Variants in FAM107B observed in about 807,000 individuals in gnomAD.
FAM107B encodes protein FAM107B.
FAM107B carries 21 observed loss-of-function variants against 31.5 expected under a neutral mutation model. That is an observed-to-expected ratio of 0.67 (90% CI 0.47 to 0.96). The LOEUF is 0.96. FAM107B is among the 40% of genes least tolerant of loss of function. The pLI, the probability that FAM107B is intolerant of heterozygous loss-of-function variation, is 0.00. For synonymous variants in FAM107B, 157 were observed against 141.5 expected, an observed-to-expected ratio of 1.11 and a Z score of -0.78; for missense variants, 452 against 377.1, an observed-to-expected ratio of 1.20 and a Z score of -1.64.
rs1308152177 is a variant in FAM107B at position 14,520,911 on chromosome 10, G to A, written c.*279C>T. The stretch of plus-strand genomic sequence containing the variant: ...TTCCAGTGTCCTCTTCCTTTTTCCT[G>A]TTCTCACTTGTTTTGCTTGTTGGTT... On this transcript the variant is annotated 3_prime_UTR_variant, in exon 5 of 5. Transcript: ENST00000181796. The A allele has an allele frequency of 1.2e-5, 4 of 336,022 alleles. No individual in the cohort carries two copies. The highest frequency in any genetic ancestry group is 8.5e-5 in the African/African-American group (4 of 47,116). 20.8% of individuals were successfully genotyped at this position (336,022 alleles called of 1,614,324 possible).
At chr10:14,636,533 TTG>T (rs1853504598) in intron 2 of FAM107B, among the ~76,000 whole-genome samples, 1 of 152,186 alleles carries the variant, frequency 6.6e-6, no homozygotes, top group Admixed American at 6.5e-5. Flanking sequence ...ACTACATCTC[TTG>T]TGTGTCTAAA....
intron 1 of FAM107B, among the ~76,000 whole-genome samples, chr10:14,690,320 TCTGTTTC>T (rs2131508438): frequency 6.6e-6 from 1 of 152,344 alleles, no homozygotes; most frequent in Non-Finnish European, 1.5e-5. Context: ...AGGCTCTGCC[TCTGTTTC>T]CTGTTTCTGC....
chr10:14,605,302 CA>C (rs1852560570), intron 2 of FAM107B, among the ~76,000 whole-genome samples: 1 of 152,148 alleles, frequency 6.6e-6, no homozygotes. Flanking sequence ...CTTTTCTGGC[CA>C]ACCCTAAGGC....
At chr10:14,659,305 G>A (rs1854159015) in intron 2 of FAM107B, among the ~76,000 whole-genome samples, 1 of 152,112 alleles carries the variant, frequency 6.6e-6, no homozygotes, top group Non-Finnish European at 1.5e-5. Flanking sequence ...GCTGGGCATG[G>A]TGGCGCGCAC....
chr10:14,700,472 A>G (rs1051284476), intron 1 of FAM107B, among the ~76,000 whole-genome samples: 3 of 152,134 alleles, frequency 2.0e-5, no homozygotes, highest in Non-Finnish European at 2.9e-5. Context: ...CAGTGCTCGC[A>G]TCGAATTTAA....
chr10:14,646,423 G>A (rs995040178), intron 2 of FAM107B, among the ~76,000 whole-genome samples: 16 of 152,150 alleles, frequency 1.1e-4, no homozygotes, highest in African/African-American at 3.9e-4. Flanking sequence ...GTGAGAACAT[G>A]CAGTATTTGG....
At chr10:14,571,327 C>A (rs1466508346) in intron 2 of FAM107B, among the ~76,000 whole-genome samples, 4 of 152,098 alleles carry the variant, frequency 2.6e-5, no homozygotes, top group Admixed American at 6.5e-5. Flanking sequence ...AATATATTAT[C>A]AGGCCTACAA....
At chr10:14,667,048 T>A (rs919799375) in intron 2 of FAM107B, among the ~76,000 whole-genome samples, 1 of 152,236 alleles carries the variant, frequency 6.6e-6, no homozygotes, top group Non-Finnish European at 1.5e-5. Flanking sequence ...GTATTAAGAT[T>A]TAGCTTTCAT....
At chr10:14,600,448 A>T (rs980808042) in intron 2 of FAM107B, among the ~76,000 whole-genome samples, 9 of 152,188 alleles carry the variant, frequency 5.9e-5, no homozygotes, top group Non-Finnish European at 2.9e-5. Context: ...GCAAATCCCT[A>T]TGCAGCTCCA....
At chr10:14,600,950 TA>T (rs1852375843) in intron 2 of FAM107B, among the ~76,000 whole-genome samples, 7 of 151,960 alleles carry the variant, frequency 4.6e-5, no homozygotes, top group African/African-American at 1.5e-4. Context: ...TAATTTTTCG[TA>T]GAGATGAGGG....
chr10:14,604,333 AGGCGGCGCGAG>A (rs1027567642), intron 2 of FAM107B: 36 of 855,344 alleles, frequency 4.2e-5, no homozygotes, highest in South Asian at 5.2e-5. Context: ...CGGCGGCCCG[AGGCGGCGCGAG>A]GGCGGCTCCG....
At chr10:14,617,627 A>C (rs1852887097) in intron 2 of FAM107B, among the ~76,000 whole-genome samples, 1 of 152,198 alleles carries the variant, frequency 6.6e-6, no homozygotes. Context: ...GTGTGCTCAG[A>C]GCTTCAACAC....
chr10:14,741,017 C>A (rs1158032970), intron 1 of FAM107B, among the ~76,000 whole-genome samples: 1 of 152,044 alleles, frequency 6.6e-6, no homozygotes, highest in Non-Finnish European at 1.5e-5. Flanking sequence ...ACAACAGGAC[C>A]TGATTGGGCC....
At chr10:14,713,786 C>T (rs2688826) in intron 1 of FAM107B, among the ~76,000 whole-genome samples, 37,712 of 151,872 alleles carry the variant, frequency 0.25, 5,125 homozygotes, top group African/African-American at 0.36. Flanking sequence ...GCCTAAATGC[C>T]CATCAAGAGT....
intron 2 of FAM107B, among the ~76,000 whole-genome samples, chr10:14,663,112 C>A (rs544429609): frequency 1.7e-4 from 26 of 152,356 alleles, no homozygotes; most frequent in Non-Finnish European, 2.9e-4. Context: ...TGGCCTTACA[C>A]CAGTGGTTTG....
intron 2 of FAM107B, among the ~76,000 whole-genome samples, chr10:14,581,854 G>C (rs1395699263): frequency 1.3e-5 from 2 of 152,076 alleles, no homozygotes; most frequent in African/African-American, 4.8e-5. Flanking sequence ...AGTGAACTGT[G>C]GTCACATCAC....
chr10:14,774,674 G>C lies in FAM107B; in HGVS notation c.-11C>G. ...TTTCCACGTGGACATGACTTGCAGT[G>C]AATCATTGCAAAGTTCAAACGGGGC... On this transcript the variant is annotated 5_prime_UTR_variant, in exon 1 of 5. Transcript: ENST00000181796. 1 of 1,607,116 alleles carries C rather than the reference G, an allele frequency of 6.2e-7. No homozygotes were observed. Among genetic ancestry groups the C allele is most frequent in the East Asian group, 2.2e-5 (1 of 44,764 alleles).
intron 1 of FAM107B, among the ~76,000 whole-genome samples, chr10:14,764,266 C>G (rs567218237): frequency 6.6e-6 from 1 of 152,304 alleles, no homozygotes; most frequent in South Asian, 2.1e-4. Context: ...ATCTTACTAC[C>G]CTTTTTTGTT....
intron 1 of FAM107B, among the ~76,000 whole-genome samples, chr10:14,709,011 A>G (rs1295868514): frequency 6.6e-6 from 1 of 152,148 alleles, no homozygotes; most frequent in Non-Finnish European, 1.5e-5. Context: ...CTGCATACCT[A>G]TTAGAAATGC....
Sources: gnomAD v4.1 joint callset for allele counts (sites outside exome capture counted in the v4.1 genomes callset) on GRCh38, gnomAD v4.1.1 for gene constraint, MANE v1.5 for transcripts, NCBI Gene and HGNC (gene_info 2026-07-23, HGNC 2026-07-21) for gene names.